Variants in LRRC36 observed in about 807,000 individuals in gnomAD.
The protein encoded by LRRC36 is leucine rich repeat containing 36, also known as leucine-rich repeat-containing protein 36.
A neutral mutation model predicts 81.1 loss-of-function variants in LRRC36; 62 were observed. The observed-to-expected ratio is 0.76, with a 90% CI of 0.62 to 0.94. The LOEUF (loss-of-function observed/expected upper bound fraction) is 0.94. Among genes scored for constraint, LRRC36 ranks in the 40% least tolerant of loss-of-function variants. The pLI is 0.00. For synonymous variants in LRRC36, 334 were observed against 348.6 expected (o/e 0.96, Z 0.47); for missense variants, 761 against 881.7 (o/e 0.86, Z 1.73).
At chr16:67,383,027 C>G (rs906765407) in intron 13 of LRRC36, among the ~76,000 whole-genome samples, 1 of 142,654 alleles carries the variant, frequency 7.0e-6, no homozygotes, top group Non-Finnish European at 1.5e-5. Flanking sequence ...AAGCCGAGAT[C>G]GCGCCATTGC....
chr16:67,382,360 G>C (rs1055901465), intron 13 of LRRC36, 113 bp downstream of exon 13: 8 of 696,624 alleles, frequency 1.1e-5, no homozygotes, highest in African/African-American at 3.6e-5. Context: ...ACTCCATTCT[G>C]TGTGTAAACC....
chr16:67,377,152 A>G (rs1418679516), intron 11 of LRRC36, among the ~76,000 whole-genome samples: 1 of 152,156 alleles, frequency 6.6e-6, no homozygotes, highest in Non-Finnish European at 1.5e-5. Context: ...GTTTAGGATA[A>G]TGTTCTTGAA....
At chr16:67,341,047 T>C (rs1441434980) in intron 1 of LRRC36, among the ~76,000 whole-genome samples, 4 of 124,092 alleles carry the variant, frequency 3.2e-5, no homozygotes, top group Non-Finnish European at 5.0e-5. Context: ...CTATAGAATA[T>C]GTACTCTACA....
At chr16:67,371,335 A>G (rs1292866888) in intron 9 of LRRC36, 93 bp downstream of exon 9, 1 of 1,429,968 alleles carries the variant, frequency 7.0e-7, no homozygotes, top group African/African-American at 1.4e-5. Flanking sequence ...GTTCTGACCA[A>G]CAGGGCTAGA....
intron 12 of LRRC36, among the ~76,000 whole-genome samples, chr16:67,381,592 A>G (rs188149850): frequency 6.6e-6 from 1 of 152,324 alleles, no homozygotes; most frequent in East Asian, 1.9e-4. Flanking sequence ...CTCTAATGAA[A>G]GTCAGAAAAA....
intron 5 of LRRC36, among the ~76,000 whole-genome samples, chr16:67,357,379 G>A (rs1014302556): frequency 1.3e-5 from 2 of 152,202 alleles, no homozygotes; most frequent in African/African-American, 2.4e-5. Context: ...GTCAGGGATT[G>A]TGTTGTTTTT....
rs550691626 is a variant in LRRC36 at position 67,334,006 on chromosome 16, G to A, written c.70+7074G>A. Among the ~76,000 whole-genome samples the A allele has an allele frequency of 6.2e-4, 94 of 151,876 alleles. 1 individual carries two copies. Among genetic ancestry groups the A allele is most frequent in the African/African-American group, 2.1e-3 (88 of 41,418 alleles). Reference sequence around the variant, plus strand: ...TTCTATGGTTTTTGACAATTATGTCGTGTCCACCATTATTATTATTATTTT... The same window carrying A: ...TTCTATGGTTTTTGACAATTATGTCATGTCCACCATTATTATTATTATTTT... On this transcript the variant is annotated intron_variant, in intron 1 of 13. Transcript: ENST00000329956.
chr16:67,366,156 AT>A (rs910050967), intron 7 of LRRC36, among the ~76,000 whole-genome samples: 1 of 148,772 alleles, frequency 6.7e-6, no homozygotes, highest in Non-Finnish European at 1.5e-5. Flanking sequence ...TTTTTTTTTA[AT>A]TTTTTTTATT....
intron 5 of LRRC36, among the ~76,000 whole-genome samples, chr16:67,360,976 C>T (rs1296764076): frequency 6.6e-6 from 1 of 152,176 alleles, no homozygotes; most frequent in Non-Finnish European, 1.5e-5. Context: ...CAGAATTATA[C>T]GTTAATAAAT....
intron 6 of LRRC36, among the ~76,000 whole-genome samples, chr16:67,364,384 C>T (rs903927012): frequency 6.6e-6 from 1 of 152,124 alleles, no homozygotes; most frequent in Admixed American, 6.5e-5. Context: ...TTCTTTGATA[C>T]ATTTATGAGC....
chr16:67,329,067 G>A (rs1370522532), intron 1 of LRRC36, among the ~76,000 whole-genome samples: 2 of 151,820 alleles, frequency 1.3e-5, no homozygotes, highest in African/African-American at 4.8e-5. Context: ...CCGCCACCAC[G>A]CCCGGCTAAT....
intron 1 of LRRC36, among the ~76,000 whole-genome samples, chr16:67,330,616 T>C (rs1305163096): frequency 6.6e-6 from 1 of 152,018 alleles, no homozygotes; most frequent in East Asian, 1.9e-4. Context: ...AATCCCAGCA[T>C]TTTGGGAGGC....
At chr16:67,352,227 C>T (rs2038678654) in intron 5 of LRRC36, among the ~76,000 whole-genome samples, 1 of 152,122 alleles carries the variant, frequency 6.6e-6, no homozygotes, top group South Asian at 2.1e-4. Flanking sequence ...TTTGCTACTT[C>T]GAAACGTTAA....
At chr16:67,334,387 C>A (rs900352447) in intron 1 of LRRC36, among the ~76,000 whole-genome samples, 3 of 150,680 alleles carry the variant, frequency 2.0e-5, no homozygotes, top group Non-Finnish European at 4.4e-5. Context: ...TGCAGTGGCA[C>A]GATCTCGGCT....
chr16:67,369,989 G>C (rs1567495367), intron 8 of LRRC36, among the ~76,000 whole-genome samples: 1 of 152,270 alleles, frequency 6.6e-6, no homozygotes, highest in South Asian at 2.1e-4. Flanking sequence ...AGAAGGGATG[G>C]GGTCAAGGAG....
intron 5 of LRRC36, among the ~76,000 whole-genome samples, chr16:67,358,653 C>T (rs2142069962): frequency 6.6e-6 from 1 of 152,046 alleles, no homozygotes; most frequent in Middle Eastern, 3.4e-3. Context: ...GTATTCAACC[C>T]ATTCTACATA....
chr16:67,342,672 A>G (rs1313261431), intron 2 of LRRC36, among the ~76,000 whole-genome samples: 1 of 152,208 alleles, frequency 6.6e-6, no homozygotes, highest in Non-Finnish European at 1.5e-5. Flanking sequence ...CTCTACAAAC[A>G]TGAGTGTGCA....
Position 67,376,890 on chromosome 16 carries a change from C to T in LRRC36, c.1806+18C>T. 2 of 1,596,886 alleles carry T rather than the reference C, an allele frequency of 1.3e-6. No individual in the cohort carries two copies. The highest frequency in any genetic ancestry group is 8.6e-7 in the Non-Finnish European group (1 of 1,167,164). On this transcript the variant is annotated intron_variant, in intron 11 of 13. Transcript: ENST00000329956. ...ATGACATGGTATGCCCCTCTCATCT[C>T]CCTTTAGAAAAGGACAGAGCAGCAG...
At chr16:67,340,069 G>A (rs2037956040) in intron 1 of LRRC36, among the ~76,000 whole-genome samples, 1 of 152,174 alleles carries the variant, frequency 6.6e-6, no homozygotes, top group South Asian at 2.1e-4. Flanking sequence ...TTGAACCCAG[G>A]AGATGGAGGT....
Sources: allele counts gnomAD v4.1 joint callset (sites outside exome capture counted in the v4.1 genomes callset), GRCh38; gene constraint gnomAD v4.1.1; transcripts MANE v1.5; gene names NCBI Gene and HGNC (gene_info 2026-07-23, HGNC 2026-07-21).